Variants in EPHB1 observed in about 807,000 individuals in gnomAD.
EPHB1 encodes the protein EPH receptor B1, also known as ephrin type-B receptor 1.
A neutral mutation model predicts 94.4 loss-of-function variants in EPHB1; 30 were observed. The observed-to-expected ratio is 0.32, with a 90% CI of 0.24 to 0.43. EPHB1 has a LOEUF of 0.43. EPHB1 is among the 20% of genes least tolerant of loss of function. EPHB1 has a pLI of 1.00. For missense variants in EPHB1, 1,055 were observed against 1,308.3 expected (o/e 0.81, Z 2.99); for synonymous variants, 522 against 489.1 (o/e 1.07, Z -0.89).
chr3:135,172,445 T>G (rs1216942996), intron 9 of EPHB1, among the ~76,000 whole-genome samples: 1 of 152,210 alleles, frequency 6.6e-6, no homozygotes, highest in African/African-American at 2.4e-5. Context: ...AGAGACTAGA[T>G]AGCTGTCAGT....
At chr3:134,928,241 T>C (rs994294242) in intron 2 of EPHB1, among the ~76,000 whole-genome samples, 3 of 152,352 alleles carry the variant, frequency 2.0e-5, no homozygotes, top group African/African-American at 2.4e-5. Context: ...TCTTCAGATC[T>C]CTGCTCGTGT....
At chr3:135,127,223 T>C (rs1270331000) in intron 4 of EPHB1, among the ~76,000 whole-genome samples, 1 of 152,026 alleles carries the variant, frequency 6.6e-6, no homozygotes, top group African/African-American at 2.4e-5. Context: ...CCCCTCAGAG[T>C]CTGAAAAATC....
intron 2 of EPHB1, among the ~76,000 whole-genome samples, chr3:134,926,289 A>G (rs1054138309): frequency 6.6e-6 from 1 of 152,240 alleles, no homozygotes; most frequent in African/African-American, 2.4e-5. Context: ...TTGGAGAGAC[A>G]TTAATGATTT....
At chr3:135,054,063 AC>A (rs1559811662) in intron 3 of EPHB1, among the ~76,000 whole-genome samples, 283 of 151,978 alleles carry the variant, frequency 1.9e-3, no homozygotes, top group African/African-American at 6.5e-3. Context: ...ACACACACAC[AC>A]ACACACATAG....
At chr3:135,006,389 A>G (rs1255500003) in intron 3 of EPHB1, among the ~76,000 whole-genome samples, 2 of 152,224 alleles carry the variant, frequency 1.3e-5, no homozygotes, top group Non-Finnish European at 2.9e-5. Context: ...TGTTCTGGAT[A>G]TAGATAGTGG....
At chr3:135,100,568 G>A (rs1041753227) in intron 3 of EPHB1, among the ~76,000 whole-genome samples, 4 of 152,190 alleles carry the variant, frequency 2.6e-5, no homozygotes, top group African/African-American at 9.6e-5. Context: ...GGGATGAGAA[G>A]CGCTTTCCAT....
At chr3:135,141,627 T>G (rs1940833651) in intron 5 of EPHB1, among the ~76,000 whole-genome samples, 1 of 152,248 alleles carries the variant, frequency 6.6e-6, no homozygotes, top group South Asian at 2.1e-4. Context: ...TACCATCTGT[T>G]TCATCATCTG....
chr3:135,023,057 C>T (rs756727778), intron 3 of EPHB1, among the ~76,000 whole-genome samples: 93 of 152,234 alleles, frequency 6.1e-4, no homozygotes, highest in Non-Finnish European at 1.0e-3. Flanking sequence ...TGTGAGATGA[C>T]GGGAGGCTAG....
chr3:135,034,742 C>T (rs988224727), intron 3 of EPHB1, among the ~76,000 whole-genome samples: 1 of 152,242 alleles, frequency 6.6e-6, no homozygotes, highest in Non-Finnish European at 1.5e-5. Flanking sequence ...TTTCTAAGGT[C>T]CCCAGCTGGA....
Position 135,259,182 on chromosome 3 carries a change from G to T in EPHB1, c.*62G>T. The T allele has an allele frequency of 7.7e-7, 1 of 1,297,030 alleles. No individual in the cohort carries two copies. Among genetic ancestry groups the T allele is most frequent in the African/African-American group, 1.5e-5 (1 of 68,046 alleles). 80.3% of individuals were successfully genotyped at this position (1,297,030 alleles called of 1,614,324 possible). A position where few individuals can be genotyped will look rare whatever the true frequency, so the allele number is the denominator to read the frequency against. On this transcript the variant is annotated 3_prime_UTR_variant, in exon 16 of 16. Coordinates refer to ENST00000398015, the MANE Select transcript of EPHB1 (RefSeq NM_004441.5). The stretch of plus-strand genomic sequence containing the variant: ...GGACCAGGGTCAAGGGGGACCAGAG[G>T]TTGACCACTGTGGAATGTACTGGAG...
intron 6 of EPHB1, among the ~76,000 whole-genome samples, chr3:135,157,385 T>C (rs897697320): frequency 9.2e-5 from 14 of 152,232 alleles, no homozygotes; most frequent in African/African-American, 3.1e-4. Flanking sequence ...CCCAAGCTCC[T>C]CTACTACCTT....
intron 5 of EPHB1, among the ~76,000 whole-genome samples, chr3:135,142,554 T>C (rs757189583): frequency 6.1e-4 from 93 of 152,224 alleles, no homozygotes; most frequent in Non-Finnish European, 1.1e-3. Flanking sequence ...GGCAGATGCA[T>C]TGGGTGGAAG....
chr3:135,207,885 C>G (rs1398054385), intron 12 of EPHB1, among the ~76,000 whole-genome samples: 1 of 152,188 alleles, frequency 6.6e-6, no homozygotes, highest in African/African-American at 2.4e-5. Flanking sequence ...AGAGATCTTG[C>G]CTCTTCCTCT....
At chr3:134,874,783 C>A (rs554665666) in intron 1 of EPHB1, among the ~76,000 whole-genome samples, 1 of 152,194 alleles carries the variant, frequency 6.6e-6, no homozygotes, top group Non-Finnish European at 1.5e-5. Flanking sequence ...TGAGGATTGT[C>A]AGGAGGAGCA....
At chr3:135,038,339 C>T (rs371121585) in intron 3 of EPHB1, among the ~76,000 whole-genome samples, 280 of 152,306 alleles carry the variant, frequency 1.8e-3, no homozygotes, top group South Asian at 8.1e-3. Context: ...TTACCCGTTC[C>T]GAGTCTTGCC....
At chr3:134,897,876 C>T (rs927356165) in intron 1 of EPHB1, among the ~76,000 whole-genome samples, 8 of 152,164 alleles carry the variant, frequency 5.3e-5, no homozygotes, top group Admixed American at 1.3e-4. Context: ...AGTGCTGCGA[C>T]AAAGGGTGGA....
At chr3:135,223,815 C>T (rs1576480590) in intron 12 of EPHB1, among the ~76,000 whole-genome samples, 1 of 152,194 alleles carries the variant, frequency 6.6e-6, no homozygotes, top group Admixed American at 6.5e-5. Context: ...AATAAGTCTA[C>T]ACCATGGATC....
chr3:134,803,988 T>G (rs569939181), intron 1 of EPHB1, among the ~76,000 whole-genome samples: 4 of 151,862 alleles, frequency 2.6e-5, no homozygotes, highest in Admixed American at 2.6e-4. Context: ...AACTTTTTCC[T>G]TCTCGGTTTG....
chr3:134,839,398 G>T (rs1337861870), intron 1 of EPHB1, among the ~76,000 whole-genome samples: 1 of 152,174 alleles, frequency 6.6e-6, no homozygotes. Context: ...TGTTGTTGGA[G>T]GTTCTGGCTA....
Sources: allele counts gnomAD v4.1 joint callset (sites outside exome capture counted in the v4.1 genomes callset), GRCh38; gene constraint gnomAD v4.1.1; transcripts MANE v1.5; gene names NCBI Gene and HGNC (gene_info 2026-07-23, HGNC 2026-07-21).